Variants in B3GAT2 observed in about 807,000 individuals in gnomAD.
B3GAT2 encodes the protein beta-1,3-glucuronyltransferase 2.
Under a neutral mutation model 27.8 loss-of-function variants are expected in B3GAT2, and 26 were observed. The observed-to-expected ratio is 0.93, with a 90% CI of 0.68 to 1.30. B3GAT2 has a LOEUF of 1.30. B3GAT2 is among the 50% of genes most tolerant of loss of function. The pLI, the probability that B3GAT2 is intolerant of heterozygous loss-of-function variation, is 0.00. For missense variants in B3GAT2, 458 were observed against 459.0 expected, an observed-to-expected ratio of 1.00 and a Z score of 0.02; for synonymous variants, 218 against 195.1, an observed-to-expected ratio of 1.12 and a Z score of -0.98.
At chr6:70,933,279 A>C (rs997518911) in intron 1 of B3GAT2, among the ~76,000 whole-genome samples, 1 of 152,214 alleles carries the variant, frequency 6.6e-6, no homozygotes, top group Non-Finnish European at 1.5e-5. Flanking sequence ...CCTAAAACAA[A>C]GGGGAAAAGC....
Position 70,857,291 on chromosome 6 carries a change from T to C in B3GAT2, c.*4372A>G, listed in dbSNP as rs1771467491. ...TGTTGTTTCACAAGCTTATAGAACA[T>C]GGATTATCTTTGATGAATTATTGAA... On this transcript the variant is annotated 3_prime_UTR_variant, in exon 4 of 4. Coordinates refer to ENST00000230053, the MANE Select transcript of B3GAT2 (RefSeq NM_080742.3). 3.5e-6 allele frequency: 1 copy of C among 284,334 alleles called. No homozygotes were observed. Among genetic ancestry groups the C allele is most frequent in the East Asian group, 5.9e-5 (1 of 16,962 alleles). 17.6% of individuals were successfully genotyped at this position (284,334 alleles called of 1,614,324 possible).
chr6:70,923,738 T>C (rs1268097928), intron 1 of B3GAT2, among the ~76,000 whole-genome samples: 5 of 152,186 alleles, frequency 3.3e-5, no homozygotes, highest in South Asian at 4.1e-4. Flanking sequence ...CTGTATTATT[T>C]TGTTGATAAT....
At chr6:70,951,566 G>T (rs1054453488) in intron 1 of B3GAT2, among the ~76,000 whole-genome samples, 1 of 152,268 alleles carries the variant, frequency 6.6e-6, no homozygotes, top group Admixed American at 6.5e-5. Context: ...ATAGGAAGAG[G>T]CAGAAGGGAG....
At chr6:70,933,598 T>C (rs1439398224) in intron 1 of B3GAT2, among the ~76,000 whole-genome samples, 1 of 152,206 alleles carries the variant, frequency 6.6e-6, no homozygotes, top group Non-Finnish European at 1.5e-5. Context: ...TATAAAAATC[T>C]TCCCAAACTG....
chr6:70,945,646 C>T lies in B3GAT2; in HGVS notation c.591+10193G>A, dbSNP rs191669276. ...GGATGGAACCGAGTTGGAAAACACT[C>T]GGCACGATATTATCCAGGAGAATTT... On this transcript the variant is annotated intron_variant, in intron 1 of 3. Transcript: ENST00000230053. Among the ~76,000 whole-genome samples, 741 of 149,084 alleles carry T rather than the reference C, an allele frequency of 5.0e-3. 3 individuals are homozygous for T. Among genetic ancestry groups the T allele is most frequent in the Non-Finnish European group, 8.1e-3 (546 of 67,578 alleles).
Position 70,956,382 on chromosome 6 carries a change from G to T in B3GAT2, c.48C>A (p.Ile16=), listed in dbSNP as rs768106390. Residue 16 remains isoleucine (I), a synonymous_variant, in exon 1 of 4, where the codon ATC becomes ATA. Coordinates refer to ENST00000230053, the MANE Select transcript of B3GAT2 (RefSeq NM_080742.3). ...CGTCGAGCATGATGATGACAATTAGGATCCAGGGCAGGAGGATAAAGAAGC... is the reference window on the plus strand; with the variant it reads ...CGTCGAGCATGATGATGACAATTAGTATCCAGGGCAGGAGGATAAAGAAGC... ...FTRFFILLPW[I]LIVIIMLDVD... The T allele has an allele frequency of 3.6e-5, 56 of 1,556,020 alleles. No individual in the cohort carries two copies. The highest frequency in any genetic ancestry group is 4.9e-5 in the Non-Finnish European group (56 of 1,149,386).
At chr6:70,953,437 C>T (rs1024690155) in intron 1 of B3GAT2, among the ~76,000 whole-genome samples, 2 of 152,102 alleles carry the variant, frequency 1.3e-5, no homozygotes, top group African/African-American at 4.8e-5. Flanking sequence ...GTTTGCCATG[C>T]ATGGAAAATG....
At chr6:70,900,605 T>C (rs1162260137) in intron 1 of B3GAT2, among the ~76,000 whole-genome samples, 2 of 152,156 alleles carry the variant, frequency 1.3e-5, no homozygotes, top group Non-Finnish European at 2.9e-5. Flanking sequence ...GGCTGGCAGC[T>C]CCTGTTTCTT....
At chr6:70,873,858 G>A (rs1177965551) in intron 2 of B3GAT2, among the ~76,000 whole-genome samples, 1 of 151,804 alleles carries the variant, frequency 6.6e-6, no homozygotes, top group African/African-American at 2.4e-5. Context: ...TTTTATTAGT[G>A]TACATTTCAA....
chr6:70,914,491 C>T (rs1173230135), intron 1 of B3GAT2, among the ~76,000 whole-genome samples: 1 of 152,136 alleles, frequency 6.6e-6, no homozygotes, highest in East Asian at 1.9e-4. Flanking sequence ...CATAGTATTC[C>T]ATGGTATATA....
At chr6:70,914,208 G>A (rs924272589) in intron 1 of B3GAT2, among the ~76,000 whole-genome samples, 2 of 152,238 alleles carry the variant, frequency 1.3e-5, no homozygotes, top group African/African-American at 4.8e-5. Flanking sequence ...GGTTATACAT[G>A]TGCCATGCTG....
intron 1 of B3GAT2, among the ~76,000 whole-genome samples, chr6:70,924,052 G>A (rs1772913890): frequency 6.6e-6 from 1 of 151,924 alleles, no homozygotes; most frequent in South Asian, 2.1e-4. Context: ...TTTGAGTGAT[G>A]GATACCATAA....
intron 1 of B3GAT2, among the ~76,000 whole-genome samples, chr6:70,944,408 G>A (rs985409107): frequency 9.4e-5 from 14 of 148,388 alleles, no homozygotes; most frequent in African/African-American, 2.0e-4. Flanking sequence ...AAAAAACGGC[G>A]CACCAGGAGA....
chr6:70,956,546 CATGGGGCCG>C lies in B3GAT2; in HGVS notation c.-126_-118del. ...AGGGAGTGGTGATGGGTGCGCTGTC[CATGGGGCCG>C]AGGGCGCTGCAGAGACCTGGAGCCG... On this transcript the variant is annotated 5_prime_UTR_variant, in exon 1 of 4. An upstream start codon of the reference 5' UTR is lost. Transcript: ENST00000230053. 2 of 1,502,568 alleles carry C rather than the reference CATGGGGCCG, an allele frequency of 1.3e-6. No homozygotes were observed. The highest frequency in any genetic ancestry group is 1.8e-6 in the Non-Finnish European group (2 of 1,128,654). The allele number at this position is 1,502,568 out of a possible 1,614,324, so 93.1% of individuals were successfully genotyped here.
At chr6:70,918,529 G>A (rs1772814412) in intron 1 of B3GAT2, among the ~76,000 whole-genome samples, 1 of 152,160 alleles carries the variant, frequency 6.6e-6, no homozygotes, top group African/African-American at 2.4e-5. Context: ...GTAGTGGCTG[G>A]TACCGGTTGT....
In B3GAT2 at chr6:70,858,343, C is replaced by T. The variant is rs1771534665; in HGVS notation, c.*3320G>A. 4 of 890,600 alleles carry T rather than the reference C, an allele frequency of 4.5e-6. No homozygotes were observed. Among genetic ancestry groups the T allele is most frequent in the South Asian group, 2.0e-5 (1 of 49,726 alleles). 55.2% of individuals were successfully genotyped at this position (890,600 alleles called of 1,614,324 possible). A position where few individuals can be genotyped will look rare whatever the true frequency, so the allele number is the denominator to read the frequency against. On this transcript the variant is annotated 3_prime_UTR_variant, in exon 4 of 4. Transcript: ENST00000230053. ...GTCTAGTGATCTGGCAGAAAGAATT[C>T]AATAGGGATAATATGTTATAGGGTC...
chr6:70,903,455 A>G (rs1166052612), intron 1 of B3GAT2, among the ~76,000 whole-genome samples: 1 of 152,152 alleles, frequency 6.6e-6, no homozygotes, highest in Non-Finnish European at 1.5e-5. Flanking sequence ...ATATCCTAAT[A>G]CATACATCTG....
intron 1 of B3GAT2, among the ~76,000 whole-genome samples, chr6:70,944,580 G>T (rs900028032): frequency 2.4e-4 from 37 of 152,174 alleles, no homozygotes; most frequent in African/African-American, 8.7e-4. Context: ...GCTCCAACTG[G>T]GTGGAGGCCA....
intron 1 of B3GAT2, among the ~76,000 whole-genome samples, chr6:70,940,415 G>A (rs1471564860): frequency 2.0e-5 from 3 of 152,024 alleles, no homozygotes; most frequent in Non-Finnish European, 4.4e-5. Flanking sequence ...TCCTCCAACA[G>A]GTGCTGGTCA....
Sources: allele counts gnomAD v4.1 joint callset (sites outside exome capture counted in the v4.1 genomes callset), GRCh38; gene constraint gnomAD v4.1.1; transcripts MANE v1.5; gene names NCBI Gene and HGNC (gene_info 2026-07-23, HGNC 2026-07-21).